Variants in NKAIN2 observed in about 807,000 individuals in gnomAD.
NKAIN2 encodes the protein sodium/potassium-transporting ATPase subunit beta-1-interacting protein 2.
NKAIN2 carries 14 observed loss-of-function variants against 32.6 expected under a neutral mutation model. The ratio of observed to expected loss-of-function variants is 0.43; its 90% CI spans 0.28 to 0.67. The LOEUF is 0.67. Ranked by LOEUF, NKAIN2 falls within the 30% of genes least tolerant of loss-of-function variation. The pLI, the probability that NKAIN2 is intolerant of heterozygous loss-of-function variation, is 0.17. For synonymous variants in NKAIN2, 80 were observed against 87.2 expected (o/e 0.92, Z 0.46); for missense variants, 198 against 258.3 (o/e 0.77, Z 1.60).
chr6:124,516,017 G>A (rs531572007), intron 3 of NKAIN2, among the ~76,000 whole-genome samples: 109 of 152,172 alleles, frequency 7.2e-4, no homozygotes, highest in Admixed American at 4.3e-3. Context: ...TCTTCAAATT[G>A]TTCAAAAATG....
rs138124180 is a variant in NKAIN2, at chr6:124,481,307, C to T, written c.273+125960C>T. Among the ~76,000 whole-genome samples, 25 of 151,924 alleles carry T rather than the reference C, an allele frequency of 1.6e-4. No homozygotes were observed. The East Asian group carries it at 4.8e-3, about 29-fold the overall frequency. ...GGCATTAAATGACTCTGGTAATACCCTTGGGTCCCAGATGCTACATTATTT... is the reference window on the plus strand; with the variant it reads ...GGCATTAAATGACTCTGGTAATACCTTTGGGTCCCAGATGCTACATTATTT... On this transcript the variant is annotated intron_variant, in intron 3 of 6. Transcript: ENST00000368417.
At chr6:124,536,133 A>G (rs1022901562) in intron 3 of NKAIN2, among the ~76,000 whole-genome samples, 3 of 152,214 alleles carry the variant, frequency 2.0e-5, no homozygotes, top group African/African-American at 7.2e-5. Context: ...CAAACGCCCA[A>G]GTAATGACTA....
chr6:124,312,655 T>C (rs180824373), intron 2 of NKAIN2, among the ~76,000 whole-genome samples: 7 of 152,292 alleles, frequency 4.6e-5, no homozygotes, highest in Non-Finnish European at 1.0e-4. Flanking sequence ...AGGCTCTTCA[T>C]ACCGTGTCCT....
intron 3 of NKAIN2, among the ~76,000 whole-genome samples, chr6:124,469,307 C>T (rs146414715): frequency 1.5e-4 from 23 of 152,100 alleles, no homozygotes; most frequent in Non-Finnish European, 2.8e-4. Flanking sequence ...TTAGAGCAAA[C>T]GATAAAATAA....
At chr6:124,387,002 T>G (rs1772927973) in intron 3 of NKAIN2, among the ~76,000 whole-genome samples, 1 of 152,148 alleles carries the variant, frequency 6.6e-6, no homozygotes, top group African/African-American at 2.4e-5. Context: ...AATTTCTTAT[T>G]CTTCTTAGTG....
chr6:124,156,060 A>C (rs181665202), intron 1 of NKAIN2, among the ~76,000 whole-genome samples: 1 of 151,874 alleles, frequency 6.6e-6, no homozygotes, highest in Admixed American at 6.6e-5. Flanking sequence ...GTTGCTTTTG[A>C]ATAGGAGTAA....
chr6:124,189,469 G>C (rs918442669), intron 1 of NKAIN2, among the ~76,000 whole-genome samples: 2 of 152,252 alleles, frequency 1.3e-5, no homozygotes, highest in African/African-American at 4.8e-5. Flanking sequence ...GGGAGGCCGA[G>C]GTGGGCAGAT....
intron 1 of NKAIN2, among the ~76,000 whole-genome samples, chr6:123,996,917 G>T (rs1582902370): frequency 6.6e-6 from 1 of 152,130 alleles, no homozygotes; most frequent in East Asian, 1.9e-4. Flanking sequence ...TTTTTGAATG[G>T]AAAAATAACA....
chr6:123,807,806 C>A, intron 1 of NKAIN2, among the ~76,000 whole-genome samples: 1 of 152,044 alleles, frequency 6.6e-6, no homozygotes, highest in East Asian at 1.9e-4. Flanking sequence ...ATTTACACTC[C>A]ACAGAATAAC....
At chr6:123,959,777 CCT>C (rs1176988977) in intron 1 of NKAIN2, among the ~76,000 whole-genome samples, 2 of 150,404 alleles carry the variant, frequency 1.3e-5, no homozygotes, top group Admixed American at 6.6e-5. Flanking sequence ...ATGATCTTTT[CCT>C]CTCTCTCTCT....
chr6:124,297,998 G>A (rs959388505), intron 2 of NKAIN2, among the ~76,000 whole-genome samples: 4 of 152,064 alleles, frequency 2.6e-5, no homozygotes, highest in Non-Finnish European at 5.9e-5. Context: ...TGGAATGAAA[G>A]GTTAATATAA....
chr6:124,472,701 A>AGG (rs1413395979), intron 3 of NKAIN2, among the ~76,000 whole-genome samples: 1 of 123,606 alleles, frequency 8.1e-6, no homozygotes, highest in Non-Finnish European at 1.7e-5. Context: ...AGGAGAAGAA[A>AGG]GGAGAGAGTA....
chr6:124,243,121 A>G (rs1263481054), intron 1 of NKAIN2, among the ~76,000 whole-genome samples: 2 of 151,990 alleles, frequency 1.3e-5, no homozygotes, highest in African/African-American at 4.8e-5. Context: ...TCTGTTGAGA[A>G]AGGTGGAAGG....
intron 1 of NKAIN2, among the ~76,000 whole-genome samples, chr6:124,235,396 ATCACT>A (rs1792696528): frequency 6.6e-6 from 1 of 152,076 alleles, no homozygotes; most frequent in Non-Finnish European, 1.5e-5. Flanking sequence ...TAAAGACAAC[ATCACT>A]TCATTTTATT....
intron 3 of NKAIN2, among the ~76,000 whole-genome samples, chr6:124,386,194 A>G (rs1380028340): frequency 6.6e-6 from 1 of 152,174 alleles, no homozygotes; most frequent in East Asian, 1.9e-4. Flanking sequence ...GATGAAAGAA[A>G]TGAACACCTG....
intron 3 of NKAIN2, among the ~76,000 whole-genome samples, chr6:124,468,422 A>G (rs1776845494): frequency 6.6e-6 from 1 of 152,148 alleles, no homozygotes; most frequent in African/African-American, 2.4e-5. Context: ...CTTCTAAATC[A>G]AGATTTCAAG....
At chr6:124,109,968 G>T (rs541614492) in intron 1 of NKAIN2, among the ~76,000 whole-genome samples, 2 of 150,576 alleles carry the variant, frequency 1.3e-5, no homozygotes, top group South Asian at 4.3e-4. Context: ...CATCATCTAT[G>T]ATCCCTTTAA....
At chr6:124,730,774 A>G (rs1438889570) in intron 4 of NKAIN2, among the ~76,000 whole-genome samples, 1 of 151,958 alleles carries the variant, frequency 6.6e-6, no homozygotes, top group Non-Finnish European at 1.5e-5. Context: ...TGAACAGGCA[A>G]CCTACACAAT....
chr6:124,037,127 A>C (rs1392377484), intron 1 of NKAIN2, among the ~76,000 whole-genome samples: 2 of 152,098 alleles, frequency 1.3e-5, no homozygotes, highest in Non-Finnish European at 2.9e-5. Context: ...CAGAGAGGCG[A>C]GTGCTCACAA....
Sources: allele counts gnomAD v4.1 joint callset (sites outside exome capture counted in the v4.1 genomes callset), GRCh38; gene constraint gnomAD v4.1.1; transcripts MANE v1.5; gene names NCBI Gene and HGNC (gene_info 2026-07-23, HGNC 2026-07-21).